FARS2: variants seen among roughly 807,000 people sequenced by gnomAD.
FARS2 encodes the protein phenylalanine--tRNA ligase, mitochondrial.
A neutral mutation model predicts 46.4 loss-of-function variants in FARS2; 40 were observed. That is an observed-to-expected ratio of 0.86 (90% CI 0.67 to 1.12). The LOEUF is 1.12. Among genes scored for constraint, FARS2 ranks in the 50% most tolerant of loss-of-function variants. FARS2 has a pLI of 0.00. For synonymous variants in FARS2, 234 were observed against 214.9 expected (o/e 1.09, Z -0.78); for missense variants, 513 against 567.9 (o/e 0.90, Z 0.98).
chr6:5,533,888 A>G (rs1770018442), intron 4 of FARS2, among the ~76,000 whole-genome samples: 1 of 152,206 alleles, frequency 6.6e-6, no homozygotes, highest in Non-Finnish European at 1.5e-5. Context: ...GAGGAGAGAG[A>G]GCAGTTGGCA....
At chr6:5,445,614 A>G (rs919529544) in intron 4 of FARS2, among the ~76,000 whole-genome samples, 15 of 152,208 alleles carry the variant, frequency 9.9e-5, no homozygotes, top group Non-Finnish European at 1.6e-4. Context: ...TAAAGACTTG[A>G]TAGTCACCTA....
chr6:5,358,883 G>C (rs1466351244), intron 1 of FARS2, among the ~76,000 whole-genome samples: 1 of 151,854 alleles, frequency 6.6e-6, no homozygotes, highest in East Asian at 1.9e-4. Context: ...TTTTGTGTTT[G>C]TCACAAGATA....
At chr6:5,608,639 C>A (rs1774987809) in intron 5 of FARS2, among the ~76,000 whole-genome samples, 3 of 151,976 alleles carry the variant, frequency 2.0e-5, no homozygotes, top group African/African-American at 7.2e-5. Context: ...GATGGGCCAA[C>A]AATCATTTTT....
At chr6:5,561,176 T>C (rs988897754) in intron 5 of FARS2, among the ~76,000 whole-genome samples, 1 of 152,154 alleles carries the variant, frequency 6.6e-6, no homozygotes, top group Admixed American at 6.5e-5. Context: ...ATAAAGCTGT[T>C]GGTAATATTC....
At chr6:5,629,429 T>G (rs184483860) in intron 6 of FARS2, among the ~76,000 whole-genome samples, 1 of 152,234 alleles carries the variant, frequency 6.6e-6, no homozygotes, top group East Asian at 1.9e-4. Flanking sequence ...CCTAGAAATT[T>G]CAGGTAGAAT....
chr6:5,260,778 C>G (rs907817530), upstream of FARS2: 1 of 1,536,670 alleles, frequency 6.5e-7, no homozygotes, highest in Non-Finnish European at 8.7e-7. Flanking sequence ...GCCGAGGTCC[C>G]AAGTACGACC....
chr6:5,610,987 G>C (rs725367), intron 5 of FARS2, among the ~76,000 whole-genome samples: 9,288 of 152,310 alleles, frequency 0.061, 446 homozygotes, highest in East Asian at 0.16. Flanking sequence ...GCTCACAGCA[G>C]GTGGCTCTGT....
In FARS2 at chr6:5,668,978, G is replaced by A. The variant is rs181741753; in HGVS notation, c.1217+55658G>A. Among the ~76,000 whole-genome samples the A allele has an allele frequency of 4.3e-3, 650 of 152,188 alleles. 6 individuals carry two copies. The highest frequency in any genetic ancestry group is 0.015 in the African/African-American group (623 of 41,532). ...CCCAAAGTGCTGGGATTACAGGCAT[G>A]AGCCACCACACCCAGCCCACGTTGA... On this transcript the variant is annotated intron_variant, in intron 6 of 6. Transcript: ENST00000274680.
chr6:5,555,808 C>G (rs778577016), intron 5 of FARS2, among the ~76,000 whole-genome samples: 1 of 151,882 alleles, frequency 6.6e-6, no homozygotes, highest in Non-Finnish European at 1.5e-5. Context: ...GGAAGGGATA[C>G]AGGAAGAAAT....
intron 1 of FARS2, among the ~76,000 whole-genome samples, chr6:5,361,476 T>C (rs1409914170): frequency 2.0e-5 from 3 of 152,242 alleles, no homozygotes; most frequent in African/African-American, 7.2e-5. Context: ...AGTCTCTTGA[T>C]AGTGCTGAAT....
chr6:5,497,018 C>A (rs1366697465), intron 4 of FARS2, among the ~76,000 whole-genome samples: 1 of 151,932 alleles, frequency 6.6e-6, no homozygotes, highest in African/African-American at 2.4e-5. Flanking sequence ...TGATTCAGCC[C>A]CAAATGGGGT....
intron 2 of FARS2, among the ~76,000 whole-genome samples, chr6:5,374,624 T>A (rs1759262273): frequency 6.6e-6 from 1 of 152,036 alleles, no homozygotes; most frequent in Non-Finnish European, 1.5e-5. Context: ...ATATCCCAAC[T>A]AGATAAGAAA....
intron 6 of FARS2, among the ~76,000 whole-genome samples, chr6:5,769,110 T>C (rs1762896579): frequency 1.3e-5 from 2 of 152,250 alleles, no homozygotes; most frequent in Admixed American, 1.3e-4. Flanking sequence ...TAGTTTCAGC[T>C]CTTATATTGA....
intron 5 of FARS2, among the ~76,000 whole-genome samples, chr6:5,567,206 T>A (rs1029529958): frequency 6.6e-6 from 1 of 152,226 alleles, no homozygotes; most frequent in Non-Finnish European, 1.5e-5. Flanking sequence ...ATGGCCATCC[T>A]AATGGTGTGA....
chr6:5,688,111 G>A (rs1438245732), intron 6 of FARS2, among the ~76,000 whole-genome samples: 1 of 152,206 alleles, frequency 6.6e-6, no homozygotes, highest in Non-Finnish European at 1.5e-5. Context: ...CTGAGACGAT[G>A]GGATTTTCTA....
intron 4 of FARS2, chr6:5,431,745 G>T: frequency 1.9e-6 from 1 of 522,754 alleles, no homozygotes. Flanking sequence ...AGGCATTTCA[G>T]AAAGATCTGT....
chr6:5,641,350 G>A (rs1202663950), intron 6 of FARS2, among the ~76,000 whole-genome samples: 1 of 152,068 alleles, frequency 6.6e-6, no homozygotes, highest in Non-Finnish European at 1.5e-5. Context: ...AGGCTGGAGT[G>A]CAGTGGCATG....
chr6:5,619,655 G>T (rs907925523), intron 6 of FARS2, among the ~76,000 whole-genome samples: 2 of 151,642 alleles, frequency 1.3e-5, no homozygotes, highest in Non-Finnish European at 2.9e-5. Context: ...GAACACTTGT[G>T]ACCATGTCTG....
intron 3 of FARS2, among the ~76,000 whole-genome samples, chr6:5,408,822 G>A (rs1303006901): frequency 6.6e-6 from 1 of 152,098 alleles, no homozygotes; most frequent in East Asian, 1.9e-4. Flanking sequence ...CATGTCTGAG[G>A]GAACAAGAAG....
Sources: gnomAD v4.1 joint callset for allele counts (sites outside exome capture counted in the v4.1 genomes callset) on GRCh38, gnomAD v4.1.1 for gene constraint, MANE v1.5 for transcripts, NCBI Gene and HGNC (gene_info 2026-07-23, HGNC 2026-07-21) for gene names.